PTPRD: variants seen among roughly 807,000 people sequenced by gnomAD.
The protein encoded by PTPRD is protein tyrosine phosphatase receptor type D.
PTPRD carries 34 observed loss-of-function variants against 214.5 expected under a neutral mutation model. That is an observed-to-expected ratio of 0.16 (90% confidence interval 0.12 to 0.21). The LOEUF (loss-of-function observed/expected upper bound fraction) is 0.21, where lower values mean the gene tolerates loss of function less well. PTPRD is among the 10% of genes least tolerant of loss of function. The pLI, the probability that PTPRD is intolerant of heterozygous loss-of-function variation, is 1.00. For missense variants in PTPRD, 2,545 were observed against 2,398.7 expected, an observed-to-expected ratio of 1.06 and a Z score of -1.27; for synonymous variants, 1,128 against 845.7, an observed-to-expected ratio of 1.33 and a Z score of -5.79.
At chr9:9,769,342 T>TG (rs1425818372) in intron 5 of PTPRD, among the ~76,000 whole-genome samples, 8 of 141,650 alleles carry the variant, frequency 5.6e-5, no homozygotes, top group African/African-American at 2.1e-4. Context: ...TTTTTTTTTT[T>TG]TGAGATGGAG....
chr9:9,643,568 C>T (rs1289675594), intron 7 of PTPRD, among the ~76,000 whole-genome samples: 2 of 152,140 alleles, frequency 1.3e-5, no homozygotes, highest in Non-Finnish European at 2.9e-5. Context: ...CAGATCCTTT[C>T]TTAGCATCCT....
chr9:9,099,956 G>T (rs1253821470), intron 10 of PTPRD, among the ~76,000 whole-genome samples: 1 of 152,184 alleles, frequency 6.6e-6, no homozygotes, highest in African/African-American at 2.4e-5. Context: ...GTTCCAATTA[G>T]TGTGTGACGT....
intron 3 of PTPRD, among the ~76,000 whole-genome samples, chr9:10,215,179 A>G (rs1022636654): frequency 9.2e-5 from 14 of 152,062 alleles, no homozygotes; most frequent in Non-Finnish European, 1.5e-4. Flanking sequence ...GGTACCATAA[A>G]TAAAAGTCAG....
chr9:9,448,579 C>A lies in PTPRD; in HGVS notation c.-236-51097G>T, dbSNP rs562119262. Among the ~76,000 whole-genome samples the A allele has an allele frequency of 1.5e-4, 23 of 152,182 alleles. 1 individual carries two copies. Among genetic ancestry groups the A allele is most frequent in the Non-Finnish European group, 2.9e-5 (2 of 67,970 alleles). On this transcript the variant is annotated intron_variant, in intron 8 of 45. Transcript: ENST00000381196. ...TTAAACTTCTTTCCTTCATAAATAA[C>A]CCAGTCTTTGTATTTCTTTACAGCA...
At chr9:9,877,662 A>G (rs1318204057) in intron 5 of PTPRD, among the ~76,000 whole-genome samples, 1 of 152,100 alleles carries the variant, frequency 6.6e-6, no homozygotes, top group Non-Finnish European at 1.5e-5. Flanking sequence ...ACAGGTTTTG[A>G]TTAAGTGTAC....
At chr9:9,739,097 T>C (rs988791544) in intron 6 of PTPRD, among the ~76,000 whole-genome samples, 4 of 152,230 alleles carry the variant, frequency 2.6e-5, no homozygotes, top group African/African-American at 9.6e-5. Context: ...AATAGTTTTA[T>C]CTAGTCTATT....
At chr9:9,577,433 T>C (rs10977853) in intron 7 of PTPRD, among the ~76,000 whole-genome samples, 56,709 of 151,606 alleles carry the variant, frequency 0.37, 11,195 homozygotes, top group African/African-American at 0.49. Context: ...GGGGTGGTGG[T>C]GTGTGCTTGT....
intron 8 of PTPRD, among the ~76,000 whole-genome samples, chr9:9,522,077 A>C (rs1238249820): frequency 6.6e-6 from 1 of 151,602 alleles, no homozygotes; most frequent in Non-Finnish European, 1.5e-5. Flanking sequence ...GAATCGCTTG[A>C]AACTGGGAGG....
intron 5 of PTPRD, among the ~76,000 whole-genome samples, chr9:9,935,922 T>C (rs12235240): frequency 0.24 from 35,946 of 148,280 alleles, 5,057 homozygotes; most frequent in Middle Eastern, 0.46. Flanking sequence ...GAAATAATGC[T>C]GCATATCTAC....
At chr9:9,913,350 C>T (rs558633221) in intron 5 of PTPRD, among the ~76,000 whole-genome samples, 2 of 151,980 alleles carry the variant, frequency 1.3e-5, no homozygotes, top group Admixed American at 6.6e-5. Flanking sequence ...GTGATAAATA[C>T]ATGCTATATA....
intron 3 of PTPRD, among the ~76,000 whole-genome samples, chr9:10,044,802 T>C (rs764232959): frequency 7.3e-5 from 11 of 151,712 alleles, no homozygotes; most frequent in Admixed American, 1.3e-4. Context: ...AGCTATGGGA[T>C]AGATTTTGCA....
At chr9:8,403,748 A>G (rs1446787067) in intron 36 of PTPRD, among the ~76,000 whole-genome samples, 1 of 152,240 alleles carries the variant, frequency 6.6e-6, no homozygotes, top group Non-Finnish European at 1.5e-5. Flanking sequence ...TAGATAAATT[A>G]GACATTTCCA....
intron 3 of PTPRD, among the ~76,000 whole-genome samples, chr9:10,252,647 T>C (rs191601446): frequency 2.5e-4 from 38 of 152,254 alleles, no homozygotes; most frequent in Non-Finnish European, 5.0e-4. Flanking sequence ...TTGGGGATGA[T>C]TTGTTACATA....
intron 7 of PTPRD, among the ~76,000 whole-genome samples, chr9:9,663,495 C>A (rs985650142): frequency 1.3e-5 from 2 of 151,352 alleles, no homozygotes; most frequent in Admixed American, 1.3e-4. Flanking sequence ...TTTTGTCTGT[C>A]TTCTCATTGG....
intron 8 of PTPRD, among the ~76,000 whole-genome samples, chr9:9,469,488 C>T (rs984817050): frequency 6.6e-6 from 1 of 152,130 alleles, no homozygotes; most frequent in African/African-American, 2.4e-5. Context: ...GAGCTTGAGA[C>T]AGAGGCTTTC....
intron 9 of PTPRD, 111 bp downstream of exon 9, chr9:9,397,338 G>A (rs2068286491): frequency 6.6e-6 from 1 of 152,222 alleles, no homozygotes; most frequent in Admixed American, 6.6e-5. Context: ...CTGCCAGAAG[G>A]AAACTCATTC....
chr9:9,397,733 G>A (rs950920244), intron 8 of PTPRD, among the ~76,000 whole-genome samples: 1 of 151,848 alleles, frequency 6.6e-6, no homozygotes, highest in Non-Finnish European at 1.5e-5. Context: ...GCATATATAT[G>A]TATTGCACCA....
At chr9:9,760,649 CACACAT>C (rs71319295) in intron 6 of PTPRD, among the ~76,000 whole-genome samples, 9,366 of 79,698 alleles carry the variant, frequency 0.12, 216 homozygotes, top group Non-Finnish European at 0.16. Context: ...CACACACACA[CACACAT>C]ATATATATAT....
At chr9:10,417,471 T>C (rs948253578) in intron 2 of PTPRD, among the ~76,000 whole-genome samples, 6 of 151,910 alleles carry the variant, frequency 3.9e-5, no homozygotes, top group South Asian at 2.1e-4. Flanking sequence ...ATTGTAAGTA[T>C]AACTAAGAAG....
Sources: gnomAD v4.1 joint callset for allele counts (sites outside exome capture counted in the v4.1 genomes callset) on GRCh38, gnomAD v4.1.1 for gene constraint, MANE v1.5 for transcripts, NCBI Gene and HGNC (gene_info 2026-07-23, HGNC 2026-07-21) for gene names.